The following SLC5A8 variants were observed in gnomAD, a reference collection of about 807,000 sequenced individuals.
SLC5A8 encodes solute carrier family 5 member 8.
A neutral mutation model predicts 71.9 loss-of-function variants in SLC5A8; 55 were observed. The observed-to-expected ratio is 0.77, with a 90% CI of 0.62 to 0.96. The LOEUF (loss-of-function observed/expected upper bound fraction) is 0.96. Among genes scored for constraint, SLC5A8 ranks in the 40% least tolerant of loss-of-function variants. The probability of loss-of-function intolerance (pLI) is 0.00; values close to 1 mark genes in which losing one functional copy is unlikely to be tolerated. For missense variants in SLC5A8, 701 were observed against 745.3 expected, an observed-to-expected ratio of 0.94 and a Z score of 0.69; for synonymous variants, 307 against 276.1, an observed-to-expected ratio of 1.11 and a Z score of -1.11.
chr12:101,162,650 C>G (rs1299372508), intron 12 of SLC5A8, among the ~76,000 whole-genome samples: 1 of 152,112 alleles, frequency 6.6e-6, no homozygotes, highest in African/African-American at 2.4e-5. Context: ...GCACAGAAAA[C>G]CAAATACCAC....
At chr12:101,186,767 T>C (rs1868661761) in intron 7 of SLC5A8, among the ~76,000 whole-genome samples, 1 of 152,190 alleles carries the variant, frequency 6.6e-6, no homozygotes, top group Admixed American at 6.5e-5. Flanking sequence ...GCCTGGCCCA[T>C]GGTGGGTATT....
chr12:101,165,544 T>C (rs1260226388), intron 12 of SLC5A8, among the ~76,000 whole-genome samples: 1 of 152,082 alleles, frequency 6.6e-6, no homozygotes. Flanking sequence ...CAAATACGCC[T>C]CAGGCTCTGG....
intron 3 of SLC5A8, among the ~76,000 whole-genome samples, chr12:101,195,991 G>A (rs1869161782): frequency 6.6e-6 from 1 of 152,124 alleles, no homozygotes; most frequent in African/African-American, 2.4e-5. Flanking sequence ...CACCGCGCCT[G>A]GCCGGTAATG....
At chr12:101,199,403 T>C (rs1869337974) in intron 3 of SLC5A8, 1 of 152,000 alleles carries the variant, frequency 6.6e-6, no homozygotes, top group Non-Finnish European at 1.5e-5. Flanking sequence ...AAGGCCTAGG[T>C]AAATGAATAG....
chr12:101,195,251 AT>A, intron 3 of SLC5A8, 89 bp from the exon 4 acceptor site: 7 of 1,398,202 alleles, frequency 5.0e-6, no homozygotes, highest in Non-Finnish European at 6.9e-6. Flanking sequence ...AAGCTATATC[AT>A]TTATCAGGCA....
chr12:101,206,110 C>T (rs1311021544), intron 1 of SLC5A8, among the ~76,000 whole-genome samples: 1 of 152,136 alleles, frequency 6.6e-6, no homozygotes, highest in African/African-American at 2.4e-5. Flanking sequence ...GGAGACTATT[C>T]AGTGACATAA....
intron 2 of SLC5A8, among the ~76,000 whole-genome samples, chr12:101,203,511 C>T (rs1274088413): frequency 6.6e-6 from 1 of 152,130 alleles, no homozygotes; most frequent in Non-Finnish European, 1.5e-5. Context: ...TCATGCCTGG[C>T]TAATTTTTGT....
chr12:101,204,488 A>C lies in SLC5A8; in HGVS notation c.417+12T>G. 1.3e-6 allele frequency: 2 copies of C among 1,581,962 alleles called. No homozygotes were observed. The highest frequency in any genetic ancestry group is 1.2e-5 in the South Asian group (1 of 84,112). Reference sequence around the variant, plus strand: ...AGCTGACAAAAGATAAAATAAATGGAGAGCTACTTACTGTTTGAACAATGA... The same window carrying C: ...AGCTGACAAAAGATAAAATAAATGGCGAGCTACTTACTGTTTGAACAATGA... On this transcript the variant is annotated intron_variant, in intron 2 of 14. Transcript: ENST00000536262.
intron 7 of SLC5A8, 65 bp downstream of exon 7, chr12:101,187,321 T>C (rs552708737): frequency 6.7e-7 from 1 of 1,503,700 alleles, no homozygotes; most frequent in African/African-American, 1.4e-5. Context: ...GAATGCTCTT[T>C]CCTCTCAACT....
In SLC5A8 at chr12:101,158,083, C is replaced by T. The variant is rs537021527; in HGVS notation, c.1710+166G>A. Among the ~76,000 whole-genome samples the T allele has an allele frequency of 2.0e-4, 30 of 152,198 alleles. 1 individual carries two copies. Among genetic ancestry groups the T allele is most frequent in the African/African-American group, 6.5e-4 (27 of 41,532 alleles). On this transcript the variant is annotated intron_variant, in intron 14 of 14. Transcript: ENST00000536262. Reference sequence around the variant, plus strand: ...ATGGAGCTATAAAACAGATATAGATCATCATAGGATAGAGAGCTATCCAAC... The same window carrying T: ...ATGGAGCTATAAAACAGATATAGATTATCATAGGATAGAGAGCTATCCAAC...
Position 101,190,405 on chromosome 12 carries a change from A to G in SLC5A8, c.833+63T>C, listed in dbSNP as rs1025458463. 7.7e-6 allele frequency: 12 copies of G among 1,550,786 alleles called. No individual in the cohort carries two copies. The African/African-American group carries it at 1.4e-4, about 18-fold the overall frequency. On this transcript the variant is annotated intron_variant, in intron 6 of 14. Transcript: ENST00000536262. ...TAAAGGAGCTAAACGTGACTTATGA[A>G]AGAGTTTCCATAAAGACAACTGATG...
chr12:101,173,067 T>C (rs1175461823), intron 10 of SLC5A8, among the ~76,000 whole-genome samples: 1 of 152,166 alleles, frequency 6.6e-6, no homozygotes, highest in Non-Finnish European at 1.5e-5. Context: ...TTGCCAGGCC[T>C]GAATAGCCAC....
Position 101,191,575 on chromosome 12 carries a change from C to T in SLC5A8, c.693-967G>A, listed in dbSNP as rs532652769. ...CAAGAGAGAGAAGCTACTATATTAG[C>T]TAACTGAAGAGCCAAAAGGAGCCAG... On this transcript the variant is annotated intron_variant, in intron 5 of 14. Coordinates refer to ENST00000536262, the MANE Select transcript of SLC5A8 (RefSeq NM_145913.5). Among the ~76,000 whole-genome samples the T allele has an allele frequency of 1.1e-4, 17 of 152,302 alleles. 1 individual carries two copies. The South Asian group carries it at 3.5e-3, about 32-fold the overall frequency.
chr12:101,166,752 C>A, intron 11 of SLC5A8, 53 bp from the exon 12 acceptor site: 2 of 1,473,596 alleles, frequency 1.4e-6, no homozygotes, highest in South Asian at 2.7e-5. Context: ...GCTTTGATGT[C>A]AAAATTAATA....
At chr12:101,176,535 G>C (rs1012709777) in intron 10 of SLC5A8, among the ~76,000 whole-genome samples, 3 of 151,864 alleles carry the variant, frequency 2.0e-5, no homozygotes, top group Non-Finnish European at 4.4e-5. Flanking sequence ...CATATCCTAG[G>C]TTATAAAACA....
intron 1 of SLC5A8, among the ~76,000 whole-genome samples, chr12:101,206,367 T>C (rs1464171012): frequency 6.6e-6 from 1 of 152,234 alleles, no homozygotes; most frequent in Non-Finnish European, 1.5e-5. Flanking sequence ...TCACTAAACA[T>C]GTGAATGGAC....
At chr12:101,204,966 G>A (rs748622932) in intron 1 of SLC5A8, among the ~76,000 whole-genome samples, 3 of 152,074 alleles carry the variant, frequency 2.0e-5, no homozygotes, top group Admixed American at 6.6e-5. Context: ...TTTTTAGAGC[G>A]AGCAATCTGT....
chr12:101,174,034 T>A (rs1484088100), intron 10 of SLC5A8, among the ~76,000 whole-genome samples: 2 of 152,150 alleles, frequency 1.3e-5, no homozygotes, highest in African/African-American at 4.8e-5. Context: ...ACAGACAAAG[T>A]ATGTAGAAGG....
intron 10 of SLC5A8, among the ~76,000 whole-genome samples, chr12:101,173,001 T>C (rs1350207026): frequency 6.6e-6 from 1 of 152,072 alleles, no homozygotes; most frequent in African/African-American, 2.4e-5. Flanking sequence ...TCTTCCTCAG[T>C]GTGCACCAGC....
Sources: allele counts gnomAD v4.1 joint callset (sites outside exome capture counted in the v4.1 genomes callset), GRCh38; gene constraint gnomAD v4.1.1; transcripts MANE v1.5; gene names NCBI Gene and HGNC (gene_info 2026-07-23, HGNC 2026-07-21).